TBCA: variants seen among roughly 807,000 people sequenced by gnomAD.
TBCA encodes tubulin-specific chaperone A.
In TBCA, 6 loss-of-function variants were observed where a neutral mutation model predicts 15.8. That is an observed-to-expected ratio of 0.38 (90% confidence interval 0.21 to 0.75). The LOEUF (loss-of-function observed/expected upper bound fraction) is 0.75, where lower values mean the gene tolerates loss of function less well. Among genes scored for constraint, TBCA ranks in the 30% least tolerant of loss-of-function variants. The pLI is 0.46. For missense variants in TBCA, 90 were observed against 131.2 expected (o/e 0.69, Z 1.53); for synonymous variants, 32 against 42.3 (o/e 0.76, Z 0.94).
intron 1 of TBCA, among the ~76,000 whole-genome samples, chr5:77,761,398 G>A (rs902074088): frequency 4.6e-5 from 7 of 152,158 alleles, no homozygotes; most frequent in South Asian, 2.1e-4. Context: ...GATTAAGGGC[G>A]GTGCAAGATG....
intron 1 of TBCA, among the ~76,000 whole-genome samples, chr5:77,759,713 T>G (rs1747561339): frequency 6.6e-6 from 1 of 152,220 alleles, no homozygotes; most frequent in Non-Finnish European, 1.5e-5. Context: ...AGGAAAAATG[T>G]TACACTTGGT....
intron 3 of TBCA, 125 bp downstream of exon 3, chr5:77,693,141 T>G: frequency 6.5e-7 from 1 of 1,530,330 alleles, no homozygotes; most frequent in Non-Finnish European, 8.7e-7. Context: ...AATATAGCGG[T>G]ATAAAGGGCA....
intron 1 of TBCA, among the ~76,000 whole-genome samples, chr5:77,718,229 A>G (rs1746447708): frequency 1.3e-5 from 2 of 152,238 alleles, no homozygotes; most frequent in South Asian, 4.1e-4. Flanking sequence ...TTCTATCTAC[A>G]TCACATTTTC....
intron 2 of TBCA, chr5:77,694,118 T>C (rs1320307869): frequency 6.6e-6 from 1 of 152,190 alleles, no homozygotes; most frequent in Non-Finnish European, 1.5e-5. Flanking sequence ...AAAAAGTTAT[T>C]GAGTTATTGA....
chr5:77,704,373 G>GAGAT lies in TBCA; in HGVS notation c.159+3865_159+3868dup, dbSNP rs1359221968. On this transcript the variant is annotated intron_variant, in intron 2 of 3. Coordinates refer to ENST00000380377, the MANE Select transcript of TBCA (RefSeq NM_004607.3). The stretch of plus-strand genomic sequence containing the variant: ...CAGGTAAGAGTTTGGTAGAGAATAA[G>GAGAT]AGATAGCACCTTAACTGTGTGCTTA... 7.2e-5 allele frequency among the ~76,000 whole-genome samples: 11 copies of GAGAT among 152,310 alleles called. 1 individual carries two copies. The highest frequency in any genetic ancestry group is 5.9e-4 in the Admixed American group (9 of 15,296).
chr5:77,762,940 ACG>A (rs1178540657), intron 1 of TBCA, among the ~76,000 whole-genome samples: 1 of 152,126 alleles, frequency 6.6e-6, no homozygotes, highest in Non-Finnish European at 1.5e-5. Context: ...TATCTTGGAG[ACG>A]CTTGTTTAAA....
intron 2 of TBCA, among the ~76,000 whole-genome samples, chr5:77,702,575 T>C (rs977122476): frequency 1.3e-5 from 2 of 152,170 alleles, no homozygotes; most frequent in African/African-American, 4.8e-5. Flanking sequence ...TCTTGATTGG[T>C]TGCTGCACAT....
At chr5:77,732,067 A>G (rs780040316) in intron 1 of TBCA, among the ~76,000 whole-genome samples, 2 of 152,264 alleles carry the variant, frequency 1.3e-5, no homozygotes, top group South Asian at 2.1e-4. Context: ...TAATGGACGG[A>G]GTGAACCAAA....
intron 1 of TBCA, among the ~76,000 whole-genome samples, chr5:77,762,516 T>C (rs2112509112): frequency 6.6e-6 from 1 of 152,340 alleles, no homozygotes; most frequent in Middle Eastern, 3.4e-3. Context: ...AACCACACGG[T>C]ATTGGGTTAA....
intron 1 of TBCA, among the ~76,000 whole-genome samples, chr5:77,766,911 T>A (rs1344465199): frequency 1.3e-5 from 2 of 152,210 alleles, no homozygotes; most frequent in Non-Finnish European, 2.9e-5. Flanking sequence ...ATCTATTAAG[T>A]GTCTATTTGT....
intron 1 of TBCA, among the ~76,000 whole-genome samples, chr5:77,730,906 A>G (rs1007972014): frequency 6.6e-6 from 1 of 152,170 alleles, no homozygotes; most frequent in African/African-American, 2.4e-5. Flanking sequence ...GAGATTTTTA[A>G]TAACAATATA....
chr5:77,765,798 C>G (rs188051948), intron 1 of TBCA, among the ~76,000 whole-genome samples: 1 of 150,312 alleles, frequency 6.7e-6, no homozygotes, highest in East Asian at 2.0e-4. Context: ...TTCTGCCTTA[C>G]GCTAACCATT....
At chr5:77,751,838 G>A (rs1388402710) in intron 1 of TBCA, among the ~76,000 whole-genome samples, 1 of 152,130 alleles carries the variant, frequency 6.6e-6, no homozygotes, top group Non-Finnish European at 1.5e-5. Context: ...AATTTGGTGG[G>A]TGGGAGGAAG....
chr5:77,740,379 G>C (rs1477590573), intron 1 of TBCA, among the ~76,000 whole-genome samples: 1 of 152,166 alleles, frequency 6.6e-6, no homozygotes, highest in Non-Finnish European at 1.5e-5. Flanking sequence ...GACAAGGGGA[G>C]AGTGGTAGTA....
At position 77,691,481 on chromosome 5, in the gene TBCA, C is replaced by G; in HGVS notation, c.264G>C (p.Leu88Phe). 2.5e-6 allele frequency: 4 copies of G among 1,592,090 alleles called. No individual in the cohort carries two copies. The highest frequency in any genetic ancestry group is 3.4e-6 in the Non-Finnish European group (4 of 1,174,306). ...CTTCTTTATATTCCTCAGCTTCTTC[C>G]AAGTCTTTTTCATTTTCCTAAAATG... ...LQRILENEKD[L>F]EEAEEYKEAR... The change falls in exon 4 of 4, where the codon TTG (leucine) becomes TTC (phenylalanine). Residue 88 changes from leucine to phenylalanine, a missense_variant. Leu to Phe is a conservative substitution (Grantham distance 22). Transcript: ENST00000380377.
chr5:77,715,160 G>C (rs750201341), intron 1 of TBCA: 3 of 677,446 alleles, frequency 4.4e-6, no homozygotes, highest in Non-Finnish European at 7.9e-6. Context: ...GATGAAAGAA[G>C]TTATAGGCCA....
At chr5:77,731,650 GTAAA>G (rs769525140) in intron 1 of TBCA, among the ~76,000 whole-genome samples, 14 of 152,012 alleles carry the variant, frequency 9.2e-5, no homozygotes, top group African/African-American at 2.9e-4. Flanking sequence ...TGTATAGATA[GTAAA>G]TACTTTCCCC....
intron 1 of TBCA, among the ~76,000 whole-genome samples, chr5:77,728,419 G>C (rs1331342746): frequency 6.6e-6 from 1 of 152,148 alleles, no homozygotes; most frequent in Non-Finnish European, 1.5e-5. Context: ...GCCAGTAGCT[G>C]AGGAAAGGAG....
At chr5:77,699,270 T>C (rs1013912973) in intron 2 of TBCA, among the ~76,000 whole-genome samples, 10 of 151,842 alleles carry the variant, frequency 6.6e-5, no homozygotes, top group African/African-American at 2.2e-4. Flanking sequence ...AAAATTTACA[T>C]GGAAAGCCAA....
Sources: allele counts gnomAD v4.1 joint callset (sites outside exome capture counted in the v4.1 genomes callset), GRCh38; gene constraint gnomAD v4.1.1; transcripts MANE v1.5; gene names NCBI Gene and HGNC (gene_info 2026-07-23, HGNC 2026-07-21).